DCAF6: variants seen among roughly 807,000 people sequenced by gnomAD.
The protein encoded by DCAF6 is DDB1 and CUL4 associated factor 6.
A neutral mutation model predicts 125.1 loss-of-function variants in DCAF6; 54 were observed. The ratio of observed to expected loss-of-function variants is 0.43; its 90% CI spans 0.35 to 0.54. The LOEUF is 0.54. Ranked by LOEUF, DCAF6 falls within the 20% of genes least tolerant of loss-of-function variation. The probability of loss-of-function intolerance (pLI) is 0.01; values close to 1 mark genes in which losing one functional copy is unlikely to be tolerated. For missense variants in DCAF6, 934 were observed against 1,161.7 expected (o/e 0.80, Z 2.85); for synonymous variants, 371 against 390.4 (o/e 0.95, Z 0.58).
chr1:168,006,886 T>A (rs1683406752), intron 10 of DCAF6, among the ~76,000 whole-genome samples: 1 of 152,192 alleles, frequency 6.6e-6, no homozygotes, highest in South Asian at 2.1e-4. Context: ...CCATCTCTGG[T>A]TGAACCTAAT....
chr1:168,071,104 G>T (rs1692963056), intron 21 of DCAF6, among the ~76,000 whole-genome samples: 1 of 152,110 alleles, frequency 6.6e-6, no homozygotes, highest in African/African-American at 2.4e-5. Flanking sequence ...ATATACCCTT[G>T]ATCTCCCTGC....
the DCAF6 span, among the ~76,000 whole-genome samples, chr1:167,877,326 C>A: frequency 1.1e-4 from 16 of 151,328 alleles, no homozygotes; most frequent in South Asian, 2.9e-3. Context: ...AATTATTATT[C>A]ATTCATGTAT....
At chr1:167,918,598 T>TTTA in the DCAF6 span, among the ~76,000 whole-genome samples, 18 of 150,906 alleles carry the variant, frequency 1.2e-4, no homozygotes, top group East Asian at 1.9e-3. Context: ...CAAAAACTTT[T>TTTA]TTTTTTTTTT....
In DCAF6 at chr1:168,038,789, T is replaced by A. The variant is rs1688147949; in HGVS notation, c.1727+301T>A. Among the ~76,000 whole-genome samples the A allele has an allele frequency of 3.9e-5, 6 of 152,044 alleles. 1 individual carries two copies. The South Asian group carries it at 1.0e-3, about 26-fold the overall frequency. Reference sequence around the variant, plus strand: ...TAGAAAATGCAAAAGATAATACTAATAATAATAATTAAAATTAGTGCAAAA... The same window carrying A: ...TAGAAAATGCAAAAGATAATACTAAAAATAATAATTAAAATTAGTGCAAAA... On this transcript the variant is annotated intron_variant, in intron 13 of 21. Transcript: ENST00000367840.
At chr1:168,062,184 C>T (rs1047221938) in intron 17 of DCAF6, among the ~76,000 whole-genome samples, 1 of 152,102 alleles carries the variant, frequency 6.6e-6, no homozygotes, top group South Asian at 2.1e-4. Context: ...AATTAAAGTT[C>T]ACAAGCAGGC....
At chr1:167,916,082 G>A in the DCAF6 span, among the ~76,000 whole-genome samples, 2 of 152,156 alleles carry the variant, frequency 1.3e-5, no homozygotes, top group African/African-American at 2.4e-5. Context: ...TTATTTTTAC[G>A]GAGTTCAGTA....
intron 2 of DCAF6, among the ~76,000 whole-genome samples, chr1:167,959,805 T>G (rs1020902340): frequency 6.6e-6 from 1 of 152,216 alleles, no homozygotes; most frequent in African/African-American, 2.4e-5. Flanking sequence ...ATTTCCCCTG[T>G]CTTGTCTTCT....
In DCAF6 at chr1:168,004,650, C is replaced by T. The variant is rs932917379; in HGVS notation, c.1235C>T (p.Ser412Phe). 6.2e-7 allele frequency: 1 copy of T among 1,613,730 alleles called. No homozygotes were observed. Among genetic ancestry groups the T allele is most frequent in the African/African-American group, 1.3e-5 (1 of 74,914 alleles). The change falls in exon 10 of 22, where the codon TCT becomes TTT. Residue 412 changes from serine to phenylalanine, a missense_variant. Physicochemically the swap from Ser to Phe is radical, Grantham distance 155. Transcript: ENST00000367840. ...DTPAEQFLQPSTSSTMSAQAH... is the reference protein window; with the variant it reads ...DTPAEQFLQPFTSSTMSAQAH... ...CCAGCTGAACAATTTCTTCAGCCTT[C>T]TACATCCTCTACAATGTCAGCTCAG...
chr1:167,880,245 G>T, the DCAF6 span: 2 of 1,460,354 alleles, frequency 1.4e-6, no homozygotes, highest in South Asian at 1.2e-5. Flanking sequence ...AATGAGCGTA[G>T]AGAAAGTGGG....
At chr1:167,921,230 A>AT in the DCAF6 span, among the ~76,000 whole-genome samples, 99 of 143,882 alleles carry the variant, frequency 6.9e-4, no homozygotes, top group South Asian at 1.8e-3. Flanking sequence ...TGGTTAGATC[A>AT]TTTTTTTTTT....
chr1:167,962,230 T>G (rs562778752), intron 2 of DCAF6, among the ~76,000 whole-genome samples: 9 of 152,124 alleles, frequency 5.9e-5, no homozygotes, highest in Non-Finnish European at 1.2e-4. Flanking sequence ...GTTTTGAGTT[T>G]AACTGTGTCC....
At chr1:167,898,519 A>T in the DCAF6 span, among the ~76,000 whole-genome samples, 18 of 151,944 alleles carry the variant, frequency 1.2e-4, no homozygotes, top group African/African-American at 4.1e-4. Context: ...GAATTGCTTG[A>T]ACCCGGGAGG....
chr1:168,043,015 TTGA>T lies in DCAF6; in HGVS notation c.1728-5_1728-3del. On this transcript the variant is annotated splice_region_variant and splice_polypyrimidine_tract_variant and intron_variant, in intron 13 of 21. Coordinates refer to ENST00000367840, the MANE Select transcript of DCAF6 (RefSeq NM_001198956.2). ...TCTTGGTGGAATCACTTATCTTGTT[TTGA>T]TGATAGGAGCAGTATAGCATCAAGT... The T allele has an allele frequency of 6.3e-7, 1 of 1,578,802 alleles. No individual in the cohort carries two copies. The highest frequency in any genetic ancestry group is 1.1e-5 in the South Asian group (1 of 89,126).
the DCAF6 span, among the ~76,000 whole-genome samples, chr1:167,875,339 A>G: frequency 6.6e-6 from 1 of 152,246 alleles, no homozygotes; most frequent in East Asian, 1.9e-4. Flanking sequence ...CAAAAGAAGG[A>G]GAAACGAGAA....
chr1:168,023,387 A>G (rs1231639569), intron 12 of DCAF6: 4 of 330,256 alleles, frequency 1.2e-5, no homozygotes, highest in African/African-American at 4.1e-5. Flanking sequence ...GGTTAATACT[A>G]CCTCGTTGCT....
intron 17 of DCAF6, among the ~76,000 whole-genome samples, chr1:168,058,834 T>C (rs1691230225): frequency 6.6e-6 from 1 of 152,226 alleles, no homozygotes; most frequent in South Asian, 2.1e-4. Context: ...CCTCCCAAAG[T>C]GCTGGAATTA....
rs747897025 is a variant in DCAF6 at position 167,937,019 on chromosome 1, G to C, written c.97+11G>C. On this transcript the variant is annotated intron_variant, in intron 1 of 21. Coordinates refer to ENST00000367840, the MANE Select transcript of DCAF6 (RefSeq NM_001198956.2). The stretch of plus-strand genomic sequence containing the variant: ...GGAGTCGCTACCTGGGTGAGCGGGG[G>C]CCCCGGGGCGGAGGCGCTGAGGTCG... 5.1e-5 allele frequency: 81 copies of C among 1,602,286 alleles called. No individual in the cohort carries two copies. Among genetic ancestry groups the C allele is most frequent in the Non-Finnish European group, 6.6e-5 (77 of 1,174,958 alleles).
intron 10 of DCAF6, 22 bp downstream of exon 10, chr1:168,004,815 T>G: frequency 6.2e-7 from 1 of 1,600,932 alleles, no homozygotes; most frequent in Non-Finnish European, 8.5e-7. Context: ...TATGCTGTGG[T>G]TCATCTAATG....
chr1:167,918,074 C>T, the DCAF6 span: 12 of 361,090 alleles, frequency 3.3e-5, no homozygotes, highest in South Asian at 1.2e-4. Context: ...GGGGTATATA[C>T]GAGCAAGTAT....
Sources: gnomAD v4.1 joint callset for allele counts (sites outside exome capture counted in the v4.1 genomes callset) on GRCh38, gnomAD v4.1.1 for gene constraint, MANE v1.5 for transcripts, NCBI Gene and HGNC (gene_info 2026-07-23, HGNC 2026-07-21) for gene names.